HCRTR2: variants seen among roughly 807,000 people sequenced by gnomAD.
HCRTR2 encodes the protein hypocretin receptor 2.
In HCRTR2, 22 loss-of-function variants were observed where a neutral mutation model predicts 49.0. The observed-to-expected ratio is 0.45, with a 90% CI of 0.32 to 0.64. The LOEUF (loss-of-function observed/expected upper bound fraction) is 0.64. Among genes scored for constraint, HCRTR2 ranks in the 30% least tolerant of loss-of-function variants. The pLI is 0.04. For synonymous variants in HCRTR2, 236 were observed against 205.3 expected (o/e 1.15, Z -1.28); for missense variants, 491 against 559.4 (o/e 0.88, Z 1.23).
At chr6:55,249,331 T>A (rs1158927416) in intron 2 of HCRTR2, among the ~76,000 whole-genome samples, 1 of 152,170 alleles carries the variant, frequency 6.6e-6, no homozygotes, top group Non-Finnish European at 1.5e-5. Flanking sequence ...TAAGACCTAC[T>A]TGGTCAAATC....
chr6:55,173,219 A>C (rs1347040327), upstream of HCRTR2, among the ~76,000 whole-genome samples: 1 of 152,240 alleles, frequency 6.6e-6, no homozygotes, highest in Non-Finnish European at 1.5e-5. Flanking sequence ...AGTCTCAAAA[A>C]GACAAATCGT....
At chr6:55,194,485 C>T (rs1765375449) in intron 1 of HCRTR2, among the ~76,000 whole-genome samples, 1 of 151,892 alleles carries the variant, frequency 6.6e-6, no homozygotes, top group African/African-American at 2.4e-5. Context: ...TAAAATTATT[C>T]TACATATAAT....
chr6:55,109,497 A>C (rs973653875), intron 1 of HCRTR2, among the ~76,000 whole-genome samples: 3 of 152,074 alleles, frequency 2.0e-5, no homozygotes, highest in African/African-American at 7.2e-5. Context: ...TGGATGGAAA[A>C]ATCTCCAGAG....
chr6:55,190,137 T>A, intron 1 of HCRTR2, among the ~76,000 whole-genome samples: 1 of 152,266 alleles, frequency 6.6e-6, no homozygotes, highest in East Asian at 1.9e-4. Flanking sequence ...AATCTCTTAA[T>A]GTGACAAGAC....
chr6:55,262,814 A>G (rs1016853936), intron 3 of HCRTR2, among the ~76,000 whole-genome samples: 1 of 148,546 alleles, frequency 6.7e-6, no homozygotes, highest in Admixed American at 6.8e-5. Context: ...AAAGTTAGTA[A>G]TCAATATAAT....
At chr6:55,107,379 TC>T (rs1763987915) in intron 1 of HCRTR2, among the ~76,000 whole-genome samples, 1 of 152,154 alleles carries the variant, frequency 6.6e-6, no homozygotes, top group African/African-American at 2.4e-5. Context: ...GTTTTCGGTT[TC>T]AGAGATAATC....
chr6:55,163,469 C>G (rs1384995843), intron 1 of HCRTR2, among the ~76,000 whole-genome samples: 1 of 151,980 alleles, frequency 6.6e-6, no homozygotes, highest in East Asian at 1.9e-4. Context: ...AGAAATAACC[C>G]CAGACATCTA....
upstream of HCRTR2, among the ~76,000 whole-genome samples, chr6:55,171,470 G>A (rs922556009): frequency 2.0e-5 from 3 of 152,040 alleles, no homozygotes; most frequent in Admixed American, 1.3e-4. Context: ...CCTTTCTTAT[G>A]TTTCAAAAGA....
chr6:55,214,276 C>T (rs1765747965), intron 1 of HCRTR2, among the ~76,000 whole-genome samples: 1 of 152,050 alleles, frequency 6.6e-6, no homozygotes, highest in South Asian at 2.1e-4. Context: ...TTGGTGAAGG[C>T]CTTTCTCTGT....
At chr6:55,151,239 A>G (rs1764660925) in intron 1 of HCRTR2, among the ~76,000 whole-genome samples, 1 of 151,976 alleles carries the variant, frequency 6.6e-6, no homozygotes, top group African/African-American at 2.4e-5. Context: ...ACTCTAACAA[A>G]AAATTTCTCT....
chr6:55,235,454 T>C (rs1483610275), intron 1 of HCRTR2, among the ~76,000 whole-genome samples: 1 of 152,158 alleles, frequency 6.6e-6, no homozygotes, highest in Non-Finnish European at 1.5e-5. Context: ...TCTCTCACTC[T>C]TTGGCATATA....
At chr6:55,244,783 TA>T (rs1766399067) in intron 1 of HCRTR2, among the ~76,000 whole-genome samples, 1 of 152,112 alleles carries the variant, frequency 6.6e-6, no homozygotes, top group Non-Finnish European at 1.5e-5. Flanking sequence ...CCAGGGTTTC[TA>T]GAGTTTCGGG....
chr6:55,282,662 C>T (rs141399742), downstream of HCRTR2: 40 of 569,300 alleles, frequency 7.0e-5, no homozygotes, highest in East Asian at 8.8e-4. Flanking sequence ...GTTTAACCTT[C>T]AATTGAGCTT....
At chr6:55,189,566 C>T (rs752952095) in intron 1 of HCRTR2, among the ~76,000 whole-genome samples, 7 of 152,146 alleles carry the variant, frequency 4.6e-5, no homozygotes, top group Non-Finnish European at 1.0e-4. Context: ...TGCATGTTCT[C>T]ACTTATAAGC....
At chr6:55,185,092 ACC>A (rs1199862228) in intron 1 of HCRTR2, among the ~76,000 whole-genome samples, 1 of 152,178 alleles carries the variant, frequency 6.6e-6, no homozygotes, top group African/African-American at 2.4e-5. Context: ...ATTATATTAA[ACC>A]GAATCAACTT....
At chr6:55,166,283 T>C (rs1490124070) in intron 1 of HCRTR2, among the ~76,000 whole-genome samples, 5 of 152,138 alleles carry the variant, frequency 3.3e-5, no homozygotes, top group Non-Finnish European at 7.4e-5. Context: ...GCCTGTAGTT[T>C]TCTGTTTTTA....
chr6:55,200,781 C>G lies in HCRTR2; in HGVS notation c.223+25971C>G, dbSNP rs114166942. On this transcript the variant is annotated intron_variant, in intron 1 of 6. Coordinates refer to ENST00000370862, the MANE Select transcript of HCRTR2 (RefSeq NM_001384272.1). The stretch of plus-strand genomic sequence containing the variant: ...TATTTTCTATATTATTGTATATTCT[C>G]TAAATCTTATTTTGTATAATAGCTT... Among the ~76,000 whole-genome samples the G allele has an allele frequency of 7.4e-3, 1,125 of 152,206 alleles. 8 individuals carry two copies. The highest frequency in any genetic ancestry group is 0.025 in the African/African-American group (1,054 of 41,562).
At chr6:55,268,901 T>C (rs1766914305) in intron 4 of HCRTR2, among the ~76,000 whole-genome samples, 1 of 151,588 alleles carries the variant, frequency 6.6e-6, no homozygotes, top group South Asian at 2.1e-4. Context: ...CCATCCTAGC[T>C]AACATGGTGA....
At chr6:55,119,186 A>G (rs1764161066) in intron 1 of HCRTR2, among the ~76,000 whole-genome samples, 1 of 152,006 alleles carries the variant, frequency 6.6e-6, no homozygotes, top group African/African-American at 2.4e-5. Context: ...TCAGTCTATC[A>G]TTGATGGGCG....
Sources: allele counts gnomAD v4.1 joint callset (sites outside exome capture counted in the v4.1 genomes callset), GRCh38; gene constraint gnomAD v4.1.1; transcripts MANE v1.5; gene names NCBI Gene and HGNC (gene_info 2026-07-23, HGNC 2026-07-21).